Variants in IL9R observed in about 807,000 individuals in gnomAD.
The protein encoded by IL9R is interleukin 9 receptor.
IL9R carries 54 observed loss-of-function variants against 56.3 expected under a neutral mutation model. The observed-to-expected ratio is 0.96, with a 90% CI of 0.77 to 1.20. The LOEUF (loss-of-function observed/expected upper bound fraction) is 1.20. IL9R is among the 50% of genes most tolerant of loss of function. The pLI is 0.00. For missense variants in IL9R, 545 were observed against 629.8 expected (o/e 0.87, Z 1.44); for synonymous variants, 212 against 250.2 (o/e 0.85, Z 1.44).
chrX:156,000,899 G>A (rs1282001268), intron 1 of IL9R, among the ~76,000 whole-genome samples: 1 of 152,154 alleles, frequency 6.6e-6, no homozygotes, highest in Non-Finnish European at 1.5e-5. Flanking sequence ...GGTGTCAGGA[G>A]CCAGGTATTG....
intron 8 of IL9R, among the ~76,000 whole-genome samples, chrX:156,009,199 G>GTC (rs2068264371): frequency 6.7e-6 from 1 of 148,248 alleles, no homozygotes; most frequent in Non-Finnish European, 1.5e-5. Flanking sequence ...GTCTGTGTGT[G>GTC]TATGTGTCTG....
At position 156,003,769 on chromosome X, in the gene IL9R, A is replaced by C. The variant is rs1320531000; in HGVS notation, c.347A>C (p.Asp116Ala). The C allele has an allele frequency of 6.2e-7, 1 of 1,613,994 alleles. No individual in the cohort carries two copies. The highest frequency in any genetic ancestry group is 8.5e-7 in the Non-Finnish European group (1 of 1,179,870). ...LPPEAVLVPS[D>A]NFTITFHHCM... ...CCTGAGGCAGTGCTCGTGCCATCTG[A>C]CAATTTCACCATCACTTTCCACCAC... Residue 116 changes from aspartate (D) to alanine (A), a missense_variant, in exon 4 of 9, where the codon GAC becomes GCC. By Grantham distance (126) the Asp-to-Ala change is moderately radical (BLOSUM62 -2). Around this residue, in one of 2 missense-constraint regions of IL9R, gnomAD observed 431 missense variants for 360.0 expected, o/e 1.20. Coordinates refer to ENST00000244174, the MANE Select transcript of IL9R (RefSeq NM_002186.3).
intron 1 of IL9R, among the ~76,000 whole-genome samples, chrX:155,999,485 G>A (rs1358146733): frequency 1.3e-5 from 2 of 151,990 alleles, no homozygotes; most frequent in South Asian, 2.1e-4. Flanking sequence ...CCTCCAGCTG[G>A]CCTTTCAGAC....
At chrX:156,004,129 A>G (rs144236983) in intron 4 of IL9R, 8,228 of 599,454 alleles carry the variant, frequency 0.014, 96 homozygotes, top group Non-Finnish European at 0.021. Flanking sequence ...CACTTCAGTC[A>G]TACCAGGAAG....
chrX:155,997,711 A>T lies in IL9R; in HGVS notation c.-49A>T, dbSNP rs374631696. 8.1e-6 allele frequency: 13 copies of T among 1,599,388 alleles called. No homozygotes were observed. The African/African-American group carries it at 1.7e-4, about 21-fold the overall frequency. On this transcript the variant is annotated 5_prime_UTR_variant, in exon 1 of 9. Coordinates refer to ENST00000244174, the MANE Select transcript of IL9R (RefSeq NM_002186.3). ...GAGGGTCTTTGCTGTGCACCCAGAG[A>T]TAGTTGGGTGACAAATCACCTCCAG...
At chrX:156,004,684 G>A in intron 5 of IL9R, 119 bp downstream of exon 5, 1 of 1,030,358 alleles carries the variant, frequency 9.7e-7, no homozygotes, top group South Asian at 1.5e-5. Flanking sequence ...AGGAACTAGA[G>A]CGGGGTGTGT....
At chrX:156,005,033 T>A (rs2067822248) in intron 5 of IL9R, among the ~76,000 whole-genome samples, 1 of 152,058 alleles carries the variant, frequency 6.6e-6, no homozygotes, top group Non-Finnish European at 1.5e-5. Flanking sequence ...AGTGTGAAAG[T>A]GTTCCTGTAG....
intron 1 of IL9R, among the ~76,000 whole-genome samples, chrX:155,998,377 G>C (rs2067280092): frequency 1.3e-5 from 2 of 152,026 alleles, no homozygotes; most frequent in South Asian, 4.2e-4. Context: ...GTTTTGGAAA[G>C]AACATCACCC....
At chrX:156,004,984 C>T (rs1243421875) in intron 5 of IL9R, among the ~76,000 whole-genome samples, 1 of 152,020 alleles carries the variant, frequency 6.6e-6, no homozygotes, top group African/African-American at 2.4e-5. Flanking sequence ...TGCTTCTGTG[C>T]ACACACTTTT....
At chrX:155,997,834 T>C (rs763393154) in intron 1 of IL9R, 47 bp downstream of exon 1, 1 of 1,575,838 alleles carries the variant, frequency 6.3e-7, no homozygotes, top group Non-Finnish European at 8.7e-7. Flanking sequence ...CAGCATGAAA[T>C]TCAGAAGGCA....
rs768523169 is a variant in IL9R at position 156,004,465 on chromosome X, G to T, written c.479G>T (p.Gly160Val). Residue 160 changes from glycine (G) to valine (V), a missense_variant, in exon 5 of 9, where the codon GGC becomes GTC. Around this residue, in one of 2 missense-constraint regions of IL9R, gnomAD observed 431 missense variants for 360.0 expected, o/e 1.20. Coordinates refer to ENST00000244174, the MANE Select transcript of IL9R (RefSeq NM_002186.3). The part of the protein sequence containing the change: ...PSDLQSNISS[G>V]HCILTWSISP... The stretch of plus-strand genomic sequence containing the variant: ...GACTTGCAGAGCAACATCAGTTCTG[G>T]CCACTGCATCCTGACCTGGAGCATC... 7 of 1,613,832 alleles carry T rather than the reference G, an allele frequency of 4.3e-6. No individual in the cohort carries two copies. In the South Asian group the frequency reaches 7.7e-5, roughly 18 times the overall value.
chrX:156,006,390 G>A (rs958453680), intron 7 of IL9R, among the ~76,000 whole-genome samples: 24 of 148,058 alleles, frequency 1.6e-4, no homozygotes, highest in Non-Finnish European at 1.0e-4. Context: ...CTCCACCCTG[G>A]TCCAGAAGAG....
intron 1 of IL9R, among the ~76,000 whole-genome samples, chrX:156,002,155 A>G (rs2067574075): frequency 6.6e-6 from 1 of 151,782 alleles, no homozygotes; most frequent in East Asian, 1.9e-4. Context: ...TAGCCTGGCC[A>G]ACATGGTGAA....
At chrX:156,004,595 CCT>C in intron 5 of IL9R, 30 bp downstream of exon 5, 1 of 1,609,392 alleles carries the variant, frequency 6.2e-7, no homozygotes, top group Non-Finnish European at 8.5e-7. Flanking sequence ...TCCCTGGGGG[CCT>C]CTCTCCTGGG....
intron 7 of IL9R, among the ~76,000 whole-genome samples, chrX:156,006,950 A>C (rs1232660854): frequency 1.3e-5 from 2 of 151,000 alleles, no homozygotes; most frequent in Admixed American, 6.6e-5. Context: ...GGAGATAGAG[A>C]AAAGTGGAGA....
At chrX:155,999,583 TGAAG>T (rs766271985) in intron 1 of IL9R, among the ~76,000 whole-genome samples, 5 of 152,124 alleles carry the variant, frequency 3.3e-5, no homozygotes, top group Admixed American at 3.3e-4. Flanking sequence ...CCCACTGTGC[TGAAG>T]GAAGTCCTCA....
At chrX:155,999,957 G>A (rs3093472) in intron 1 of IL9R, among the ~76,000 whole-genome samples, 2 of 151,378 alleles carry the variant, frequency 1.3e-5, no homozygotes, top group Non-Finnish European at 2.9e-5. Flanking sequence ...GAAACCCTGT[G>A]TCTACTAAAA....
At chrX:156,004,763 G>C (rs772476962) in intron 5 of IL9R, among the ~76,000 whole-genome samples, 198 bp downstream of exon 5, 1 of 152,268 alleles carries the variant, frequency 6.6e-6, no homozygotes, top group African/African-American at 2.4e-5. Flanking sequence ...GGGTGAGTGC[G>C]CCTGTGTCTC....
rs757506117 is a variant in IL9R, at chrX:156,002,791, C to T, written c.29-115C>T. 2.8e-6 allele frequency: 4 copies of T among 1,408,194 alleles called. No homozygotes were observed. In the East Asian group the frequency reaches 9.1e-5, roughly 32 times the overall value. 87.2% of individuals were successfully genotyped at this position (1,408,194 alleles called of 1,614,324 possible). ...ACTGTGTGAGTGTTAGGACACAGGA[C>T]ACTGTGTGAGTGCAGGTGGGGACCC... On this transcript the variant is annotated intron_variant, in intron 1 of 8. Coordinates refer to ENST00000244174, the MANE Select transcript of IL9R (RefSeq NM_002186.3).
Sources: gnomAD v4.1 joint callset for allele counts (sites outside exome capture counted in the v4.1 genomes callset) on GRCh38, gnomAD v4.1.1 for gene constraint, gnomAD v4.1.1 regional missense constraint, MANE v1.5 for transcripts, NCBI Gene and HGNC (gene_info 2026-07-23, HGNC 2026-07-21) for gene names.